Variants in CCDC187 observed in about 807,000 individuals in gnomAD.
CCDC187 encodes coiled-coil domain containing 187, also known as coiled-coil domain-containing protein 187.
Under a neutral mutation model 38.0 loss-of-function variants are expected in CCDC187, and 32 were observed. The observed-to-expected ratio is 0.84, with a 90% CI of 0.64 to 1.13. The LOEUF (loss-of-function observed/expected upper bound fraction) is 1.13, where lower values mean the gene tolerates loss of function less well. Among genes scored for constraint, CCDC187 ranks in the 50% most tolerant of loss-of-function variants. The pLI, the probability that CCDC187 is intolerant of heterozygous loss-of-function variation, is 0.00. For synonymous variants in CCDC187, 333 were observed against 347.9 expected (o/e 0.96, Z 0.48); for missense variants, 707 against 786.8 (o/e 0.90, Z 1.21).
intron 14 of CCDC187, among the ~76,000 whole-genome samples, chr9:136,271,956 G>A (rs1018984318): frequency 1.3e-5 from 2 of 152,106 alleles, no homozygotes; most frequent in Admixed American, 6.6e-5. Flanking sequence ...ATGTACTGAC[G>A]AACCAAGAAG....
rs1333318553 is a variant in CCDC187, at chr9:136,286,140, G to T, written c.2778C>A (p.Ser926Arg). The T allele has an allele frequency of 2.5e-6, 1 of 398,488 alleles. No individual in the cohort carries two copies. The highest frequency in any genetic ancestry group is 4.4e-6 in the Non-Finnish European group (1 of 226,034). 24.7% of individuals were successfully genotyped at this position (398,488 alleles called of 1,614,324 possible). ...GGCTCACACTCTGCTGTTGCTCCCA[G>T]CTGGGGCCCCACGACAGTGTCTCGC... Reference protein sequence around the residue: ...LDGETLSWGPSWEQQQSVSPR... With the variant: ...LDGETLSWGPRWEQQQSVSPR... The change falls in exon 8 of 26, where the codon AGC becomes AGA. Residue 926 changes from serine to arginine, a missense_variant. By Grantham distance (110) the Ser-to-Arg change is moderately radical. Coordinates refer to ENST00000638797, the MANE Select transcript of CCDC187 (RefSeq NM_001378188.1).
chr9:136,267,673 A>G (rs1554761886), intron 15 of CCDC187, 162 bp from the exon 16 acceptor site: 1 of 933,996 alleles, frequency 1.1e-6, no homozygotes, highest in African/African-American at 1.8e-5. Context: ...CGCCCCTCCC[A>G]TCCCCCTATG....
intron 4 of CCDC187, chr9:136,295,888 T>C (rs1317831281): frequency 3.3e-5 from 5 of 152,256 alleles, no homozygotes; most frequent in African/African-American, 1.2e-4. Flanking sequence ...ATTGTTATAT[T>C]GTACGCATGT....
At chr9:136,295,229 C>T (rs1256923702) in intron 4 of CCDC187, among the ~76,000 whole-genome samples, 2 of 152,232 alleles carry the variant, frequency 1.3e-5, no homozygotes, top group African/African-American at 4.8e-5. Flanking sequence ...CCTACAGCTG[C>T]TCTCCCTCGC....
At position 136,263,738 on chromosome 9, in the gene CCDC187, G is replaced by A. The variant is rs1208450939; in HGVS notation, c.3796C>T (p.Leu1266=). 1.0e-6 allele frequency: 1 copy of A among 985,378 alleles called. No individual in the cohort carries two copies. Among genetic ancestry groups the A allele is most frequent in the African/African-American group, 1.7e-5 (1 of 57,260 alleles). 61.0% of individuals were successfully genotyped at this position (985,378 alleles called of 1,614,324 possible). A position where few individuals can be genotyped will look rare whatever the true frequency, so the allele number is the denominator to read the frequency against. The change falls in exon 18 of 26, where the codon CTG becomes TTG. Residue 1266 remains leucine, a synonymous_variant. Transcript: ENST00000638797. The part of the protein sequence containing the change: ...LFRHRDRKLL[L]QHQRDVVSMP... ...GAGACGACGTCCCTCTGATGCTGCAGAAGCAGCTTCCTGTCCCGGTGCCTG... is the reference window on the plus strand; with the variant it reads ...GAGACGACGTCCCTCTGATGCTGCAAAAGCAGCTTCCTGTCCCGGTGCCTG...
rs1588647528 is a variant in CCDC187, at chr9:136,253,820, G to A, written c.6008C>T (p.Pro2003Leu). Residue 2003 changes from proline to leucine, a missense_variant, in exon 26 of 26, where the codon CCG becomes CTG. Physicochemically the swap from Pro to Leu is moderately conservative, Grantham distance 98 (BLOSUM62 -3). Coordinates refer to ENST00000638797, the MANE Select transcript of CCDC187 (RefSeq NM_001378188.1). ...ELLSYGSADL[P>L]SSIHREAPLP... is the part of the protein sequence containing the mutation. ...GGGGGCCTCCCTGTGGATGGAGGAC[G>A]GGAGGTCGGCACTGCCGTAGGACAG... is the stretch of plus-strand genomic sequence containing the variant. 10 of 985,410 alleles carry A rather than the reference G, an allele frequency of 1.0e-5. No homozygotes were observed. The highest frequency in any genetic ancestry group is 1.2e-5 in the Non-Finnish European group (10 of 829,920). The allele number at this position is 985,410 out of a possible 1,614,324, so 61.0% of individuals were successfully genotyped here.
chr9:136,293,741 T>G (rs1340186869), intron 4 of CCDC187, among the ~76,000 whole-genome samples: 1 of 149,296 alleles, frequency 6.7e-6, no homozygotes, highest in African/African-American at 2.5e-5. Flanking sequence ...CATTCACACA[T>G]GCACACACAC....
Position 136,254,269 on chromosome 9 carries a change from C to G in CCDC187, c.5559G>C (p.Leu1853=), listed in dbSNP as rs1381087142. Residue 1853 remains leucine, a synonymous_variant, in exon 26 of 26, where the codon CTG becomes CTC. Coordinates refer to ENST00000638797, the MANE Select transcript of CCDC187 (RefSeq NM_001378188.1). ...GLEASGTSES[L]MGVSDTGEAL... ...CTTCTCCTGTGTCTGACACCCCCAT[C>G]AGGCTCTCGCTGGTCCCAGAAGCTT... 25 of 979,950 alleles carry G rather than the reference C, an allele frequency of 2.6e-5. No homozygotes were observed. The highest frequency in any genetic ancestry group is 2.9e-5 in the Non-Finnish European group (24 of 825,196). 60.7% of individuals were successfully genotyped at this position (979,950 alleles called of 1,614,324 possible).
In CCDC187 at chr9:136,263,610, G is replaced by C; in HGVS notation, c.3912+12C>G. 4 of 985,434 alleles carry C rather than the reference G, an allele frequency of 4.1e-6. No individual in the cohort carries two copies. The highest frequency in any genetic ancestry group is 4.8e-6 in the Non-Finnish European group (4 of 829,924). 61.0% of individuals were successfully genotyped at this position (985,434 alleles called of 1,614,324 possible). ...TCTGCAGCTGAGTCCCAGCCCAGGC[G>C]AGAGCACCCACCTGCTGCAGCTTGG... is the stretch of plus-strand genomic sequence containing the variant. On this transcript the variant is annotated intron_variant, in intron 18 of 25. Coordinates refer to ENST00000638797, the MANE Select transcript of CCDC187 (RefSeq NM_001378188.1).
chr9:136,254,381 C>G lies in CCDC187; in HGVS notation c.5447G>C (p.Gly1816Ala). The G allele has an allele frequency of 1.0e-6, 1 of 984,866 alleles. No homozygotes were observed. The highest frequency in any genetic ancestry group is 1.2e-6 in the Non-Finnish European group (1 of 829,588). 61.0% of individuals were successfully genotyped at this position (984,866 alleles called of 1,614,324 possible). Residue 1816 changes from glycine (G) to alanine (A), a missense_variant, in exon 26 of 26, where the codon GGG becomes GCG. Transcript: ENST00000638797. ...ACCCCCTTTCAGGCTCTCGCTGGTCCCAGAAGCTTCCCGCCCCTCCCCGGA... is the reference window on the plus strand; with the variant it reads ...ACCCCCTTTCAGGCTCTCGCTGGTCGCAGAAGCTTCCCGCCCCTCCCCGGA... ...PRSGEGREASGTSESLKGGVR... is the reference protein window; with the variant it reads ...PRSGEGREASATSESLKGGVR...
At chr9:136,281,151 G>A (rs1831031779) in intron 10 of CCDC187, 18 of 321,946 alleles carry the variant, frequency 5.6e-5, no homozygotes, top group Non-Finnish European at 1.0e-4. Context: ...CAGCTGCTGG[G>A]TCCCTTGGGC....
At chr9:136,298,433 C>G (rs1249961615) in intron 3 of CCDC187, among the ~76,000 whole-genome samples, 5 of 152,208 alleles carry the variant, frequency 3.3e-5, no homozygotes, top group African/African-American at 1.2e-4. Flanking sequence ...CAGCGGCCAC[C>G]GAGAGGGCCC....
In CCDC187 at chr9:136,253,732, C is replaced by T. The variant is rs115479652; in HGVS notation, c.6096G>A (p.Ser2032=). ...QSDGEDTNPC[S]DAFPSPPSGP... The stretch of plus-strand genomic sequence containing the variant: ...CCGAGGGCGGGGAAGGGAAGGCATC[C>T]GAGCATGGGTTGGTGTCTTCACCAT... Residue 2032 remains serine (S), a synonymous_variant, in exon 26 of 26, where the codon TCG becomes TCA. Coordinates refer to ENST00000638797, the MANE Select transcript of CCDC187 (RefSeq NM_001378188.1). 1.7e-3 allele frequency: 1,711 copies of T among 985,530 alleles called. 30 individuals carry two copies. The African/African-American group carries it at 0.027, about 16-fold the overall frequency. The allele number at this position is 985,530 out of a possible 1,614,324, so 61.0% of individuals were successfully genotyped here. A position where few individuals can be genotyped will look rare whatever the true frequency, so the allele number is the denominator to read the frequency against.
chr9:136,284,216 T>C (rs1831117248), intron 9 of CCDC187, among the ~76,000 whole-genome samples: 1 of 152,144 alleles, frequency 6.6e-6, no homozygotes, highest in South Asian at 2.1e-4. Context: ...ACAGCCCCTC[T>C]GCTGCAGTGC....
Position 136,288,499 on chromosome 9 carries a change from C to T in CCDC187, c.2222+1460G>A, listed in dbSNP as rs1831234537. On this transcript the variant is annotated intron_variant, in intron 7 of 25. Coordinates refer to ENST00000638797, the MANE Select transcript of CCDC187 (RefSeq NM_001378188.1). The stretch of plus-strand genomic sequence containing the variant: ...TGGCCTCTGAGCCAGCTCCCCCTGC[C>T]CGCTGGAACCCAGGGCATGCAGGAG... Among the ~76,000 whole-genome samples the T allele has an allele frequency of 3.3e-5, 5 of 152,318 alleles. No individual in the cohort carries two copies. The South Asian group carries it at 1.0e-3, about 32-fold the overall frequency.
chr9:136,278,516 A>G (rs1362777390), intron 10 of CCDC187, among the ~76,000 whole-genome samples: 1 of 152,174 alleles, frequency 6.6e-6, no homozygotes, highest in East Asian at 1.9e-4. Context: ...AGGAGCCCCA[A>G]AAGTCTAGCC....
At chr9:136,287,467 C>T (rs915361655) in intron 7 of CCDC187, among the ~76,000 whole-genome samples, 2,473 of 152,326 alleles carry the variant, frequency 0.016, 74 homozygotes, top group African/African-American at 0.056. Flanking sequence ...AGTCCTCGTT[C>T]ATCACGCTTG....
intron 9 of CCDC187, among the ~76,000 whole-genome samples, chr9:136,282,603 G>A (rs1288696236): frequency 6.6e-6 from 1 of 152,222 alleles, no homozygotes; most frequent in African/African-American, 2.4e-5. Flanking sequence ...GAACCCACTG[G>A]AGTGGCTGAA....
rs1040421108 is a variant in CCDC187, at chr9:136,250,026, C to A, written c.*3568G>T. ...CAAGCGGTGACGACAGATCAGAGCC[C>A]AGGCAAATACAGCAGGAGACCTTGA... On this transcript the variant is annotated 3_prime_UTR_variant, in exon 26 of 26. Coordinates refer to ENST00000638797, the MANE Select transcript of CCDC187 (RefSeq NM_001378188.1). 5 of 152,248 alleles carry A rather than the reference C, an allele frequency of 3.3e-5. No individual in the cohort carries two copies. The highest frequency in any genetic ancestry group is 2.0e-4 in the Admixed American group (3 of 15,288). The allele number at this position is 152,248 out of a possible 1,614,324, so 9.4% of individuals were successfully genotyped here. A position where few individuals can be genotyped will look rare whatever the true frequency, so the allele number is the denominator to read the frequency against.
Sources: gnomAD v4.1 joint callset for allele counts (sites outside exome capture counted in the v4.1 genomes callset) on GRCh38, gnomAD v4.1.1 for gene constraint, MANE v1.5 for transcripts, NCBI Gene and HGNC (gene_info 2026-07-23, HGNC 2026-07-21) for gene names.